Variants in ARFGAP3 observed in about 807,000 individuals in gnomAD.
ARFGAP3 encodes the protein ADP-ribosylation factor GTPase-activating protein 3.
In ARFGAP3, 72 loss-of-function variants were observed where a neutral mutation model predicts 75.0. The observed-to-expected ratio is 0.96, with a 90% CI of 0.79 to 1.17. The LOEUF is 1.17. Among genes scored for constraint, ARFGAP3 ranks in the 50% most tolerant of loss-of-function variants. ARFGAP3 has a pLI of 0.00. For synonymous variants in ARFGAP3, 221 were observed against 217.9 expected (o/e 1.01, Z -0.13); for missense variants, 620 against 626.6 (o/e 0.99, Z 0.11).
intron 2 of ARFGAP3, among the ~76,000 whole-genome samples, chr22:42,843,320 T>C (rs560118029): frequency 3.9e-5 from 6 of 152,352 alleles, no homozygotes; most frequent in African/African-American, 1.2e-4. Flanking sequence ...AAAAAGTCGC[T>C]ACAAAGCATT....
intron 14 of ARFGAP3, among the ~76,000 whole-genome samples, chr22:42,804,344 G>A (rs1477833846): frequency 4.0e-5 from 6 of 150,574 alleles, no homozygotes; most frequent in Non-Finnish European, 8.9e-5. Flanking sequence ...TGAGTGGTTG[G>A]GATTACAGGC....
rs1200092679 is a variant in ARFGAP3, at chr22:42,817,240, T to C, written c.966A>G (p.Ser322=). Residue 322 remains serine (S), a synonymous_variant, in exon 11 of 16, where the codon TCA becomes TCG. Coordinates refer to ENST00000263245, the MANE Select transcript of ARFGAP3 (RefSeq NM_014570.5). ...ATTCCTGCTCTATGGTCTGCATATC[T>C]GAAGTCACTGAATGTGAAATAACAC... The part of the protein sequence containing the change: ...CRSVISHSVT[S]DMQTIEQESP... The C allele has an allele frequency of 6.2e-7, 1 of 1,610,978 alleles. No individual in the cohort carries two copies. Among genetic ancestry groups the C allele is most frequent in the South Asian group, 1.1e-5 (1 of 90,536 alleles).
intron 9 of ARFGAP3, among the ~76,000 whole-genome samples, chr22:42,819,228 G>C (rs1925709680): frequency 6.6e-6 from 1 of 152,178 alleles, no homozygotes; most frequent in South Asian, 2.1e-4. Flanking sequence ...TCTTCCTACA[G>C]AACAGGTTAT....
intron 2 of ARFGAP3, among the ~76,000 whole-genome samples, chr22:42,846,184 G>GT: frequency 6.6e-6 from 1 of 152,122 alleles, no homozygotes; most frequent in Admixed American, 6.5e-5. Context: ...AATTCCAGAT[G>GT]GGCAGCCTAG....
At chr22:42,851,573 C>A (rs886194024) in intron 1 of ARFGAP3, among the ~76,000 whole-genome samples, 2 of 152,286 alleles carry the variant, frequency 1.3e-5, no homozygotes, top group African/African-American at 4.8e-5. Flanking sequence ...GAGGAGCTAA[C>A]AAGTGGAGAC....
In ARFGAP3 at chr22:42,832,874, A is replaced by G. The variant is rs553687664; in HGVS notation, c.478-1238T>C. On this transcript the variant is annotated intron_variant, in intron 5 of 15. Coordinates refer to ENST00000263245, the MANE Select transcript of ARFGAP3 (RefSeq NM_014570.5). ...GTGGCACATGCCTATAATCCCAGCT[A>G]GTTGGGAGGCTGAGGCAGGAGAATC... 2.4e-4 allele frequency among the ~76,000 whole-genome samples: 37 copies of G among 152,244 alleles called. 1 individual carries two copies. The South Asian group carries it at 7.7e-3, about 32-fold the overall frequency.
rs1266507737 is a variant in ARFGAP3, at chr22:42,824,020, T to C, written c.626-318A>G. Reference sequence around the variant, plus strand: ...TTTCTTCAGGAGCATTTAAAAAATATATTACAACAACTTTTTTTTTTTTTT... The same window carrying C: ...TTTCTTCAGGAGCATTTAAAAAATACATTACAACAACTTTTTTTTTTTTTT... On this transcript the variant is annotated intron_variant, in intron 7 of 15. Transcript: ENST00000263245. Among the ~76,000 whole-genome samples, 6 of 150,144 alleles carry C rather than the reference T, an allele frequency of 4.0e-5. No homozygotes were observed. In the South Asian group the frequency reaches 1.3e-3, roughly 32 times the overall value.
At chr22:42,820,732 G>T (rs772966941) in intron 9 of ARFGAP3, among the ~76,000 whole-genome samples, 1 of 151,712 alleles carries the variant, frequency 6.6e-6, no homozygotes, top group African/African-American at 2.4e-5. Context: ...TGTGTAGCAT[G>T]CACCCTCCGC....
At position 42,807,149 on chromosome 22, in the gene ARFGAP3, G is replaced by C. The variant is rs1303601986; in HGVS notation, c.1335C>G (p.Ala445=). 1.9e-6 allele frequency: 3 copies of C among 1,611,904 alleles called. No homozygotes were observed. In the Admixed American group the frequency reaches 5.0e-5, roughly 27 times the overall value. The part of the protein sequence containing the change: ...RQSQADYETR[A]RLERLSASSS... ...AACTTGCCGACAGCCTCTCTAGGCG[G>C]GCCCTGGTCTCATACTAGAGAAGAC... The change falls in exon 14 of 16, where the codon GCC becomes GCG. Residue 445 remains alanine (A), a synonymous_variant. Transcript: ENST00000263245.
chr22:42,818,124 A>G (rs1392202555), intron 9 of ARFGAP3, among the ~76,000 whole-genome samples: 1 of 152,210 alleles, frequency 6.6e-6, no homozygotes, highest in African/African-American at 2.4e-5. Context: ...ATTATTGTAT[A>G]ATAACATAAT....
intron 1 of ARFGAP3, among the ~76,000 whole-genome samples, chr22:42,848,993 G>A (rs1414905131): frequency 6.6e-6 from 1 of 152,126 alleles, no homozygotes; most frequent in Non-Finnish European, 1.5e-5. Context: ...CTAGCTCTAG[G>A]GGAAGCCAGG....
intron 14 of ARFGAP3, 85 bp downstream of exon 14, chr22:42,806,988 T>C: frequency 7.6e-7 from 1 of 1,315,418 alleles, no homozygotes; most frequent in Non-Finnish European, 1.0e-6. Flanking sequence ...CTAAAATATC[T>C]TGGAAAAGGA....
In ARFGAP3 at chr22:42,808,865, A is replaced by C. The variant is rs905529143; in HGVS notation, c.1222T>G (p.Tyr408Asp). 4.3e-6 allele frequency: 7 copies of C among 1,612,970 alleles called. No homozygotes were observed. The highest frequency in any genetic ancestry group is 5.9e-6 in the Non-Finnish European group (7 of 1,179,426). ...DRPTARRKPD[Y>D]EPVENTDEAQ... ...TCATCTGTATTTTCAACTGGCTCAT[A>C]ATCTGGCTTGCGGCGAGCAGTAGGT... Residue 408 changes from tyrosine to aspartate, a missense_variant, in exon 13 of 16, where the codon TAT (tyrosine) becomes GAT (aspartate). By Grantham distance (160) the Tyr-to-Asp change is radical (BLOSUM62 -3). Coordinates refer to ENST00000263245, the MANE Select transcript of ARFGAP3 (RefSeq NM_014570.5).
At chr22:42,856,430 C>T (rs1478740080) in intron 1 of ARFGAP3, among the ~76,000 whole-genome samples, 1 of 152,110 alleles carries the variant, frequency 6.6e-6, no homozygotes, top group Admixed American at 6.5e-5. Flanking sequence ...TAGCCCCCTG[C>T]GTCACCCCAA....
At chr22:42,843,768 T>A (rs1009565884) in intron 2 of ARFGAP3, among the ~76,000 whole-genome samples, 2 of 152,140 alleles carry the variant, frequency 1.3e-5, no homozygotes, top group East Asian at 1.9e-4. Flanking sequence ...ATGAAATACG[T>A]AACGGCAAAC....
intron 6 of ARFGAP3, among the ~76,000 whole-genome samples, chr22:42,830,496 G>A (rs892345498): frequency 1.3e-5 from 2 of 152,112 alleles, no homozygotes; most frequent in Non-Finnish European, 2.9e-5. Context: ...TCAAGGCTCA[G>A]TTTATATAAG....
chr22:42,817,092 A>T, intron 11 of ARFGAP3, 50 bp downstream of exon 11: 1 of 1,236,418 alleles, frequency 8.1e-7, no homozygotes, highest in Non-Finnish European at 1.2e-6. Flanking sequence ...AATCCATACT[A>T]GTCACTGCTT....
chr22:42,836,084 G>C (rs905200751), intron 3 of ARFGAP3, among the ~76,000 whole-genome samples: 4 of 149,110 alleles, frequency 2.7e-5, no homozygotes, highest in Non-Finnish European at 4.4e-5. Flanking sequence ...CTGGGCTCAA[G>C]TGATCCCACC....
chr22:42,840,218 C>T (rs538324798), intron 3 of ARFGAP3, among the ~76,000 whole-genome samples: 7 of 152,242 alleles, frequency 4.6e-5, no homozygotes, highest in African/African-American at 1.7e-4. Context: ...AAGCATGAGC[C>T]ACCGTGCCCA....
Sources: allele counts gnomAD v4.1 joint callset (sites outside exome capture counted in the v4.1 genomes callset), GRCh38; gene constraint gnomAD v4.1.1; transcripts MANE v1.5; gene names NCBI Gene and HGNC (gene_info 2026-07-23, HGNC 2026-07-21).